SF3A2: variants seen among roughly 807,000 people sequenced by gnomAD.
The protein encoded by SF3A2 is SAP 62.
In SF3A2, 5 loss-of-function variants were observed where a neutral mutation model predicts 31.1. That is an observed-to-expected ratio of 0.16 (90% CI 0.08 to 0.34). SF3A2 has a LOEUF of 0.34. SF3A2 is among the 10% of genes least tolerant of loss of function. The pLI, the probability that SF3A2 is intolerant of heterozygous loss-of-function variation, is 1.00. For missense variants in SF3A2, 577 were observed against 643.9 expected (o/e 0.90, Z 1.13); for synonymous variants, 365 against 263.7 (o/e 1.38, Z -3.72).
At chr19:2,240,044 A>G (rs1200738549) in intron 1 of SF3A2, among the ~76,000 whole-genome samples, 2 of 152,224 alleles carry the variant, frequency 1.3e-5, no homozygotes, top group East Asian at 1.9e-4. Flanking sequence ...TGTGAGCGCC[A>G]CTTCTCATCC....
chr19:2,237,100 CCCGCCAGGAACTCT>C (rs1018527820), intron 1 of SF3A2, 199 bp downstream of exon 1: 2 of 151,932 alleles, frequency 1.3e-5, no homozygotes, highest in African/African-American at 4.8e-5. Flanking sequence ...GAGGGTCGGG[CCCGCCAGGAACTCT>C]ATTTCCAAAC....
At position 2,248,093 on chromosome 19, in the gene SF3A2, CGTCCATCCCCCAGCCCCTGGG is replaced by C; in HGVS notation, c.948_968del (p.Ala319_Pro325del). 3.1e-6 allele frequency: 3 copies of C among 967,902 alleles called. No homozygotes were observed. Among genetic ancestry groups the C allele is most frequent in the Middle Eastern group, 6.4e-4 (2 of 3,120 alleles). 60.0% of individuals were successfully genotyped at this position (967,902 alleles called of 1,614,324 possible). A position where few individuals can be genotyped will look rare whatever the true frequency, so the allele number is the denominator to read the frequency against. On this transcript the variant is annotated inframe_deletion, in exon 9 of 9. Transcript: ENST00000221494. Reference sequence around the variant, plus strand: ...CTGGCGTCCACCCCCCAGCTCCTGGCGTCCATCCCCCAGCCCCTGGGGTCCACCCACCAACCTCTGGGGTCC... The same window carrying C: ...CTGGCGTCCACCCCCCAGCTCCTGGCGTCCACCCACCAACCTCTGGGGTCC...
intron 1 of SF3A2, among the ~76,000 whole-genome samples, chr19:2,242,905 G>A (rs1409682147): frequency 1.2e-4 from 19 of 152,076 alleles, no homozygotes; most frequent in Admixed American, 1.2e-3. Context: ...AATTTACATC[G>A]AGCCCAAGAG....
At position 2,242,478 on chromosome 19, in the gene SF3A2, C is replaced by T. The variant is rs1599652034; in HGVS notation, c.-37-904C>T. ...CCTCCCGCCTCCTCTCATGAGGTCA[C>T]CCAGGATCACCTGCCATTTTAAGAT... On this transcript the variant is annotated intron_variant, in intron 1 of 8. Coordinates refer to ENST00000221494, the MANE Select transcript of SF3A2 (RefSeq NM_007165.5). Among the ~76,000 whole-genome samples the T allele has an allele frequency of 2.6e-5, 4 of 152,334 alleles. No homozygotes were observed. In the South Asian group the frequency reaches 8.3e-4, roughly 32 times the overall value.
rs2024960305 is a variant in SF3A2, at chr19:2,248,132, T to C, written c.981T>C (p.Ser327=). ...PPAPGVHPPT[S]GVHPPAPGVH... The stretch of plus-strand genomic sequence containing the variant: ...CCCCTGGGGTCCACCCACCAACCTC[T>C]GGGGTCCACCCCCCAGCTCCTGGAG... The change falls in exon 9 of 9, where the codon TCT becomes TCC. Residue 327 remains serine, a synonymous_variant. Coordinates refer to ENST00000221494, the MANE Select transcript of SF3A2 (RefSeq NM_007165.5). 4 of 1,340,856 alleles carry C rather than the reference T, an allele frequency of 3.0e-6. No individual in the cohort carries two copies. Among genetic ancestry groups the C allele is most frequent in the Admixed American group, 2.0e-5 (1 of 49,182 alleles). 83.1% of individuals were successfully genotyped at this position (1,340,856 alleles called of 1,614,324 possible). A position where few individuals can be genotyped will look rare whatever the true frequency, so the allele number is the denominator to read the frequency against.
At chr19:2,244,666 C>T (rs370223880) in intron 3 of SF3A2, 51 bp downstream of exon 3, 65 of 1,609,748 alleles carry the variant, frequency 4.0e-5, no homozygotes, top group East Asian at 2.7e-4. Context: ...GAGTGGCTGA[C>T]GTCAGGGGGA....
Position 2,248,313 on chromosome 19 carries a change from C to T in SF3A2, c.1162C>T (p.Pro388Ser). Residue 388 changes from proline to serine, a missense_variant, in exon 9 of 9, where the codon CCT (proline) becomes TCT (serine). Pro to Ser is a moderately conservative substitution (Grantham distance 74, BLOSUM62 -1). This residue lies in a region of SF3A2 where 462 missense variants were observed against 339.1 expected (regional missense o/e 1.36). Transcript: ENST00000221494. ...GVHPAAPAVH[P>S]QAPGVHPPAP... is the part of the protein sequence containing the mutation. ...GCACCCAGCAGCCCCCGCCGTTCAC[C>T]CTCAGGCCCCAGGGGTGCACCCACC... The T allele has an allele frequency of 1.4e-6, 2 of 1,403,202 alleles. No homozygotes were observed. The highest frequency in any genetic ancestry group is 1.6e-5 in the South Asian group (1 of 63,732). 86.9% of individuals were successfully genotyped at this position (1,403,202 alleles called of 1,614,324 possible). A position where few individuals can be genotyped will look rare whatever the true frequency, so the allele number is the denominator to read the frequency against.
intron 2 of SF3A2, among the ~76,000 whole-genome samples, chr19:2,244,305 G>C (rs1181812938): frequency 6.6e-6 from 1 of 152,102 alleles, no homozygotes; most frequent in Non-Finnish European, 1.5e-5. Flanking sequence ...GGCTCCCTGG[G>C]AACCCCCACT....
chr19:2,241,128 G>A (rs60012971), intron 1 of SF3A2, among the ~76,000 whole-genome samples: 9,625 of 152,222 alleles, frequency 0.063, 637 homozygotes, highest in African/African-American at 0.16. Flanking sequence ...CAAGCAGGGC[G>A]TTCGCATGCT....
chr19:2,247,058 G>T (rs763591072), intron 7 of SF3A2, 36 bp downstream of exon 7: 1 of 1,117,352 alleles, frequency 8.9e-7, no homozygotes, highest in South Asian at 1.6e-5. Flanking sequence ...GCCCCCTTGA[G>T]ATGTGCAAGC....
chr19:2,241,244 C>A (rs1599651419), intron 1 of SF3A2, among the ~76,000 whole-genome samples: 1 of 152,152 alleles, frequency 6.6e-6, no homozygotes, highest in South Asian at 2.1e-4. Flanking sequence ...GCACCAGGCC[C>A]CTCCTGGGTT....
chr19:2,241,350 G>A (rs2024887395), intron 1 of SF3A2, among the ~76,000 whole-genome samples: 1 of 152,218 alleles, frequency 6.6e-6, no homozygotes, highest in South Asian at 2.1e-4. Flanking sequence ...GTGGAGGACT[G>A]TGGTTTCTGT....
Position 2,244,855 on chromosome 19 carries a change from A to T in SF3A2, c.245+76A>T. On this transcript the variant is annotated intron_variant, in intron 4 of 8. Transcript: ENST00000221494. The stretch of plus-strand genomic sequence containing the variant: ...CAAGTCTCTGTGAGCCTCGCGGGCC[A>T]CTGCTCCACAGCCGGGGAGCCAGCC... 4.3e-6 allele frequency: 6 copies of T among 1,395,830 alleles called. No individual in the cohort carries two copies. In the South Asian group the frequency reaches 7.2e-5, roughly 17 times the overall value. The allele number at this position is 1,395,830 out of a possible 1,614,324, so 86.5% of individuals were successfully genotyped here.
In SF3A2 at chr19:2,248,397, C is replaced by T; in HGVS notation, c.1246C>T (p.Pro416Ser). ...GVHPQPPGVH[P>S]SAPGVHPQPP... Reference sequence around the variant, plus strand: ...CCACCCCCAACCTCCCGGGGTCCATCCGTCGGCTCCTGGGGTCCACCCTCA... The same window carrying T: ...CCACCCCCAACCTCCCGGGGTCCATTCGTCGGCTCCTGGGGTCCACCCTCA... Residue 416 changes from proline (P) to serine (S), a missense_variant, in exon 9 of 9, where the codon CCG becomes TCG. By Grantham distance (74) the Pro-to-Ser change is moderately conservative. This residue lies in a region of SF3A2 where 462 missense variants were observed against 339.1 expected (regional missense o/e 1.36). Transcript: ENST00000221494. 4 of 1,381,278 alleles carry T rather than the reference C, an allele frequency of 2.9e-6. No individual in the cohort carries two copies. Among genetic ancestry groups the T allele is most frequent in the Non-Finnish European group, 3.7e-6 (4 of 1,071,382 alleles). The allele number at this position is 1,381,278 out of a possible 1,614,324, so 85.6% of individuals were successfully genotyped here. A position where few individuals can be genotyped will look rare whatever the true frequency, so the allele number is the denominator to read the frequency against.
chr19:2,244,146 T>C (rs2024912461), intron 2 of SF3A2, among the ~76,000 whole-genome samples: 1 of 152,166 alleles, frequency 6.6e-6, no homozygotes, highest in African/African-American at 2.4e-5. Context: ...GTGTAGCCCA[T>C]TTGCTTTTCT....
chr19:2,238,920 C>T (rs190393932), intron 1 of SF3A2, among the ~76,000 whole-genome samples: 345 of 152,278 alleles, frequency 2.3e-3, no homozygotes, highest in Middle Eastern at 6.8e-3. Context: ...CATCTCTTTC[C>T]CTTCATGCTG....
intron 1 of SF3A2, among the ~76,000 whole-genome samples, chr19:2,239,994 CGTGT>C (rs1431551950): frequency 2.0e-5 from 3 of 152,214 alleles, no homozygotes; most frequent in Non-Finnish European, 4.4e-5. Flanking sequence ...TTCTCGGATG[CGTGT>C]GTTTCTCTTT....
At chr19:2,247,719 C>T (rs373406602) in intron 8 of SF3A2, 48 bp from the exon 9 acceptor site, 93 of 1,611,470 alleles carry the variant, frequency 5.8e-5, no homozygotes, top group Middle Eastern at 5.0e-4. Flanking sequence ...GGCCCTAGCC[C>T]TGCCCTAGCC....
intron 7 of SF3A2, 34 bp from the exon 8 acceptor site, chr19:2,247,560 G>A (rs2024950292): frequency 6.2e-7 from 1 of 1,610,774 alleles, no homozygotes; most frequent in Non-Finnish European, 8.5e-7. Context: ...AGGTCACAGG[G>A]ACCAGGAGCC....
Sources: gnomAD v4.1 joint callset for allele counts (sites outside exome capture counted in the v4.1 genomes callset) on GRCh38, gnomAD v4.1.1 for gene constraint, gnomAD v4.1.1 regional missense constraint, MANE v1.5 for transcripts, NCBI Gene and HGNC (gene_info 2026-07-23, HGNC 2026-07-21) for gene names.